DUS2: variants seen among roughly 807,000 people sequenced by gnomAD.
The protein encoded by DUS2 is dihydrouridine synthase 2, also known as tRNA-dihydrouridine(20) synthase [NAD(P)+]-like.
Under a neutral mutation model 71.3 loss-of-function variants are expected in DUS2, and 52 were observed. The observed-to-expected ratio is 0.73, with a 90% CI of 0.58 to 0.92. DUS2 has a LOEUF of 0.92. Among genes scored for constraint, DUS2 ranks in the 40% least tolerant of loss-of-function variants. DUS2 has a pLI of 0.00. For synonymous variants in DUS2, 204 were observed against 227.8 expected, an observed-to-expected ratio of 0.90 and a Z score of 0.94; for missense variants, 558 against 622.6, an observed-to-expected ratio of 0.90 and a Z score of 1.10.
chr16:68,070,874 A>C, intron 11 of DUS2, 66 bp from the exon 12 acceptor site: 2 of 1,573,376 alleles, frequency 1.3e-6, no homozygotes, highest in Non-Finnish European at 1.7e-6. Context: ...CTGAGAGCTG[A>C]CTTTTTCTGA....
At chr16:68,068,276 C>T (rs562369313) in intron 10 of DUS2, among the ~76,000 whole-genome samples, 2 of 152,190 alleles carry the variant, frequency 1.3e-5, no homozygotes, top group South Asian at 4.1e-4. Context: ...GAACCCAGAA[C>T]TCCCTTCATA....
chr16:68,078,853 A>G lies in DUS2; in HGVS notation c.1349A>G (p.Lys450Arg), dbSNP rs1219324596. Residue 450 changes from lysine to arginine, a missense_variant, in exon 17 of 17, where the codon AAG becomes AGG. Transcript: ENST00000565263. The stretch of plus-strand genomic sequence containing the variant: ...GGTGAGGAGAGCCCTTCCTTGCACA[A>G]GCGAAAGAGGGAGGCTCCTGACCAA... ...RLGEESPSLH[K>R]RKREAPDQDP... 13 of 1,613,822 alleles carry G rather than the reference A, an allele frequency of 8.1e-6. No individual in the cohort carries two copies. Among genetic ancestry groups the G allele is most frequent in the Non-Finnish European group, 1.1e-5 (13 of 1,179,840 alleles).
intron 8 of DUS2, 122 bp downstream of exon 8, chr16:68,061,235 C>A: frequency 3.7e-6 from 4 of 1,079,788 alleles, no homozygotes; most frequent in South Asian, 1.5e-5. Context: ...CTCCCTGAGG[C>A]CTAGCGATTT....
intron 3 of DUS2, among the ~76,000 whole-genome samples, chr16:68,044,396 C>CT (rs1001911267): frequency 0.014 from 1,835 of 135,540 alleles, 26 homozygotes; most frequent in African/African-American, 0.029. Flanking sequence ...TCTTTAATTT[C>CT]TTTTTTTTTT....
chr16:68,062,740 A>T, intron 8 of DUS2, among the ~76,000 whole-genome samples: 1 of 151,252 alleles, frequency 6.6e-6, no homozygotes, highest in African/African-American at 2.4e-5. Context: ...AAAAAAAAAA[A>T]GATCATATAG....
rs770858231 is a variant in DUS2 at position 68,075,521 on chromosome 16, G to A, written c.1082+17G>A. The A allele has an allele frequency of 2.5e-6, 4 of 1,605,982 alleles. No individual in the cohort carries two copies. In the African/African-American group the frequency reaches 4.0e-5, roughly 16 times the overall value. On this transcript the variant is annotated intron_variant, in intron 14 of 16. Transcript: ENST00000565263. ...GTTTGACCGGTAGGTCTCCAGCTTG[G>A]CCTCAGCTTGGGCTAGGGCCAGCAC... is the stretch of plus-strand genomic sequence containing the variant.
chr16:68,043,706 C>T (rs1279396105), intron 3 of DUS2, among the ~76,000 whole-genome samples: 1 of 151,932 alleles, frequency 6.6e-6, no homozygotes, highest in Non-Finnish European at 1.5e-5. Flanking sequence ...GCTCTGTTGC[C>T]CACGCAGGAG....
chr16:68,064,643 C>T (rs540773131), intron 8 of DUS2, among the ~76,000 whole-genome samples: 2 of 152,238 alleles, frequency 1.3e-5, no homozygotes, highest in South Asian at 4.1e-4. Context: ...GTCAGTCCCG[C>T]CCTTAAAATG....
intron 2 of DUS2, among the ~76,000 whole-genome samples, chr16:68,025,961 T>C (rs2151406036): frequency 6.6e-6 from 1 of 152,266 alleles, no homozygotes; most frequent in Non-Finnish European, 1.5e-5. Flanking sequence ...CCAAAATCCC[T>C]GCCCTTGTGG....
At chr16:68,035,985 A>T in intron 2 of DUS2, among the ~76,000 whole-genome samples, 1 of 144,200 alleles carries the variant, frequency 6.9e-6, no homozygotes, top group Non-Finnish European at 1.5e-5. Flanking sequence ...ATATACATAT[A>T]TATATTATTT....
At chr16:68,025,591 T>C (rs1334798189) in intron 2 of DUS2, 97 bp downstream of exon 2, 1 of 152,168 alleles carries the variant, frequency 6.6e-6, no homozygotes, top group Non-Finnish European at 1.5e-5. Flanking sequence ...CTTGAGTCCT[T>C]ACAATATGAT....
intron 7 of DUS2, among the ~76,000 whole-genome samples, chr16:68,057,062 AAT>A (rs1478701553): frequency 8.0e-5 from 11 of 137,096 alleles, no homozygotes; most frequent in South Asian, 4.4e-4. Context: ...ATATATATGT[AAT>A]ATATATGTTA....
intron 10 of DUS2, among the ~76,000 whole-genome samples, chr16:68,068,781 G>T (rs113842281): frequency 0.042 from 5,345 of 128,634 alleles, 327 homozygotes; most frequent in African/African-American, 0.14. Context: ...TGTATTTTTA[G>T]TAGAGATGGG....
Position 68,066,291 on chromosome 16 carries a change from G to A in DUS2, c.418-26G>A, listed in dbSNP as rs753568808. On this transcript the variant is annotated intron_variant, in intron 8 of 16. Coordinates refer to ENST00000565263, the MANE Select transcript of DUS2 (RefSeq NM_017803.5). ...TGATGGTTTGTTCCAGAAGACATAG[G>A]TGCTCTTGTGTTTTCCTTTCTGCAG... The A allele has an allele frequency of 5.0e-6, 8 of 1,611,058 alleles. No homozygotes were observed. The East Asian group carries it at 1.8e-4, about 36-fold the overall frequency.
intron 6 of DUS2, among the ~76,000 whole-genome samples, chr16:68,055,343 A>G (rs1465848388): frequency 6.6e-6 from 1 of 151,932 alleles, no homozygotes; most frequent in African/African-American, 2.4e-5. Context: ...GGTCCCAACT[A>G]CTTGGAAGAC....
intron 10 of DUS2, among the ~76,000 whole-genome samples, chr16:68,069,042 G>T (rs2034048481): frequency 6.6e-6 from 1 of 152,100 alleles, no homozygotes; most frequent in South Asian, 2.1e-4. Flanking sequence ...GAGATGTAGG[G>T]AGACAGAGGT....
intron 7 of DUS2, among the ~76,000 whole-genome samples, chr16:68,058,870 T>C (rs2033898078): frequency 6.6e-6 from 1 of 152,192 alleles, no homozygotes; most frequent in African/African-American, 2.4e-5. Context: ...ACATACTAGC[T>C]GAATATCTGC....
At chr16:68,048,058 C>T (rs1217262268) in intron 3 of DUS2, among the ~76,000 whole-genome samples, 1 of 152,150 alleles carries the variant, frequency 6.6e-6, no homozygotes, top group African/African-American at 2.4e-5. Context: ...GTAGGGATTA[C>T]AGACATAAGC....
intron 5 of DUS2, among the ~76,000 whole-genome samples, chr16:68,054,344 AT>A (rs1460772896): frequency 6.6e-6 from 1 of 152,238 alleles, no homozygotes; most frequent in Non-Finnish European, 1.5e-5. Context: ...AGTTTTTTAT[AT>A]GTTTGAGTGT....
Sources: gnomAD v4.1 joint callset for allele counts (sites outside exome capture counted in the v4.1 genomes callset) on GRCh38, gnomAD v4.1.1 for gene constraint, MANE v1.5 for transcripts, NCBI Gene and HGNC (gene_info 2026-07-23, HGNC 2026-07-21) for gene names.